The following SCHIP1 variants were observed in gnomAD, a reference collection of about 807,000 sequenced individuals.
SCHIP1 encodes schwannomin-interacting protein 1.
A neutral mutation model predicts 29.7 loss-of-function variants in SCHIP1; 8 were observed. The ratio of observed to expected loss-of-function variants is 0.27; its 90% CI spans 0.16 to 0.49. The LOEUF (loss-of-function observed/expected upper bound fraction) is 0.49, where lower values mean the gene tolerates loss of function less well. Among genes scored for constraint, SCHIP1 ranks in the 20% least tolerant of loss-of-function variants. The pLI is 0.99. For missense variants in SCHIP1, 193 were observed against 294.6 expected (o/e 0.66, Z 2.52); for synonymous variants, 76 against 94.9 (o/e 0.80, Z 1.16).
the SCHIP1 span, among the ~76,000 whole-genome samples, chr3:159,568,735 C>G: frequency 6.6e-6 from 1 of 152,076 alleles, no homozygotes; most frequent in Non-Finnish European, 1.5e-5. Flanking sequence ...TCCAATAGAT[C>G]AAGGCTGTTA....
the SCHIP1 span, among the ~76,000 whole-genome samples, chr3:159,686,979 A>ACTTTCCTCTTTC: frequency 6.6e-6 from 1 of 152,054 alleles, no homozygotes; most frequent in East Asian, 1.9e-4. Flanking sequence ...CTCTTTCCTC[A>ACTTTCCTCTTTC]CTGCACCCAC....
the SCHIP1 span, among the ~76,000 whole-genome samples, chr3:159,563,089 G>A: frequency 2.0e-5 from 3 of 152,172 alleles, no homozygotes; most frequent in African/African-American, 4.8e-5. Context: ...AGTCAGGAGA[G>A]AGGAAAAAGA....
the SCHIP1 span, among the ~76,000 whole-genome samples, chr3:159,758,326 T>C: frequency 6.6e-6 from 1 of 152,060 alleles, no homozygotes; most frequent in Non-Finnish European, 1.5e-5. Context: ...CTAATTTTTG[T>C]ATTTTTAGTA....
chr3:159,861,121 A>C lies in SCHIP1; in HGVS notation c.31-5042A>C, dbSNP rs1333541851. Among the ~76,000 whole-genome samples, 3 of 152,240 alleles carry C rather than the reference A, an allele frequency of 2.0e-5. No individual in the cohort carries two copies. The highest frequency in any genetic ancestry group is 7.2e-5 in the African/African-American group (3 of 41,454). ...GATTTTGAAAATGCAGAAAACACCCAATCTTCCACTTGTAAATTTACGTGC... is the reference window on the plus strand; with the variant it reads ...GATTTTGAAAATGCAGAAAACACCCCATCTTCCACTTGTAAATTTACGTGC... On this transcript the variant is annotated intron_variant, in intron 1 of 6. Transcript: ENST00000445224. This position sits in a 1 kb window ranked among gnomAD's most constrained non-coding sequence, Gnocchi z 4.1.
the SCHIP1 span, among the ~76,000 whole-genome samples, chr3:159,670,888 GGTGTGTGT>G: frequency 6.6e-6 from 1 of 151,394 alleles, no homozygotes; most frequent in Non-Finnish European, 1.5e-5. Flanking sequence ...TGGGTGTGTG[GGTGTGTGT>G]GTGTAAGTAA....
the SCHIP1 span, among the ~76,000 whole-genome samples, chr3:159,680,507 CAA>C: frequency 4.3e-5 from 4 of 92,732 alleles, no homozygotes; most frequent in Non-Finnish European, 8.1e-5. Flanking sequence ...GATCTTGTCT[CAA>C]AAAAAAAATA....
chr3:159,705,646 T>C, the SCHIP1 span, among the ~76,000 whole-genome samples: 189 of 152,212 alleles, frequency 1.2e-3, no homozygotes, highest in African/African-American at 4.5e-3. Context: ...CCATGCAGAA[T>C]TGTTGGAGTT....
chr3:159,826,534 G>C, the SCHIP1 span, among the ~76,000 whole-genome samples: 1 of 152,180 alleles, frequency 6.6e-6, no homozygotes, highest in Non-Finnish European at 1.5e-5. Flanking sequence ...TGAGAAGAAA[G>C]CAAGTGTGGA....
At chr3:159,505,940 ATG>A in the SCHIP1 span, among the ~76,000 whole-genome samples, 1 of 150,606 alleles carries the variant, frequency 6.6e-6, no homozygotes. Context: ...ATACGTGTGC[ATG>A]TCTTTATAGC....
the SCHIP1 span, among the ~76,000 whole-genome samples, chr3:159,463,143 A>G: frequency 1.3e-5 from 2 of 151,852 alleles, no homozygotes; most frequent in Admixed American, 1.3e-4. Context: ...TACAGTATAT[A>G]GTTCATAGCA....
chr3:159,497,108 G>T, the SCHIP1 span, among the ~76,000 whole-genome samples: 1 of 152,048 alleles, frequency 6.6e-6, no homozygotes, highest in African/African-American at 2.4e-5. Flanking sequence ...ACTGTTGTGG[G>T]GTTGGGGGAG....
the SCHIP1 span, among the ~76,000 whole-genome samples, chr3:159,543,864 T>A: frequency 6.6e-6 from 1 of 152,114 alleles, no homozygotes; most frequent in Non-Finnish European, 1.5e-5. Flanking sequence ...TTTCTCCACA[T>A]CCTCTCCAGC....
chr3:159,452,799 C>G, the SCHIP1 span, among the ~76,000 whole-genome samples: 1 of 151,934 alleles, frequency 6.6e-6, no homozygotes, highest in Non-Finnish European at 1.5e-5. Flanking sequence ...TCTCCACAAC[C>G]TCACCAGCAG....
At chr3:159,407,534 A>G in the SCHIP1 span, among the ~76,000 whole-genome samples, 1 of 152,226 alleles carries the variant, frequency 6.6e-6, no homozygotes, top group African/African-American at 2.4e-5. Context: ...GACCAAATGG[A>G]CCCAATAGAT....
chr3:159,529,220 A>G, the SCHIP1 span, among the ~76,000 whole-genome samples: 11 of 152,240 alleles, frequency 7.2e-5, no homozygotes, highest in African/African-American at 2.7e-4. Context: ...TTCAGGGCAC[A>G]TAATAAATCC....
At chr3:159,654,229 A>C in the SCHIP1 span, among the ~76,000 whole-genome samples, 764 of 152,272 alleles carry the variant, frequency 5.0e-3, 8 homozygotes, top group African/African-American at 0.018. Context: ...TTAATAAAAA[A>C]TGAACCACTT....
At chr3:159,301,708 A>ATGTAAGATG in the SCHIP1 span, among the ~76,000 whole-genome samples, 1 of 152,122 alleles carries the variant, frequency 6.6e-6, no homozygotes, top group Non-Finnish European at 1.5e-5. Context: ...TCCTGTTGCC[A>ATGTAAGATG]TGTAAGATGT....
chr3:159,323,440 G>GT, the SCHIP1 span, among the ~76,000 whole-genome samples: 2 of 152,080 alleles, frequency 1.3e-5, no homozygotes, highest in Middle Eastern at 3.4e-3. Context: ...GAATTTGTGG[G>GT]TTTTTTCTAA....
chr3:159,335,148 C>T, the SCHIP1 span, among the ~76,000 whole-genome samples: 1 of 152,122 alleles, frequency 6.6e-6, no homozygotes, highest in South Asian at 2.1e-4. Flanking sequence ...GATCTGCCTG[C>T]CCTGGCCTCC....
Sources: allele counts gnomAD v4.1 joint callset (sites outside exome capture counted in the v4.1 genomes callset), GRCh38; gene constraint gnomAD v4.1.1; non-coding constraint Gnocchi (gnomAD v3.1); transcripts MANE v1.5; gene names NCBI Gene and HGNC (gene_info 2026-07-23, HGNC 2026-07-21).